EIF3H: variants seen among roughly 807,000 people sequenced by gnomAD.
The protein encoded by EIF3H is eIF-3-gamma.
Under a neutral mutation model 44.2 loss-of-function variants are expected in EIF3H, and 26 were observed. The ratio of observed to expected loss-of-function variants is 0.59; its 90% confidence interval spans 0.43 to 0.82. The LOEUF (loss-of-function observed/expected upper bound fraction) is 0.82, where lower values mean the gene tolerates loss of function less well. Among genes scored for constraint, EIF3H ranks in the 40% least tolerant of loss-of-function variants. EIF3H has a pLI of 0.00. For missense variants in EIF3H, 359 were observed against 432.8 expected (o/e 0.83, Z 1.51); for synonymous variants, 166 against 151.9 (o/e 1.09, Z -0.68).
At chr8:116,727,291 A>G (rs899776820) in intron 1 of EIF3H, among the ~76,000 whole-genome samples, 4 of 152,212 alleles carry the variant, frequency 2.6e-5, no homozygotes, top group African/African-American at 7.2e-5. Flanking sequence ...AAAAAAAGGC[A>G]GCAGGAAAGG....
intron 1 of EIF3H, among the ~76,000 whole-genome samples, chr8:116,738,160 G>A (rs1227566885): frequency 6.6e-6 from 1 of 151,640 alleles, no homozygotes; most frequent in East Asian, 1.9e-4. Flanking sequence ...AAAAAACTAA[G>A]GAAAAAGATT....
upstream of EIF3H, chr8:116,755,867 T>A: frequency 6.3e-7 from 1 of 1,593,722 alleles, no homozygotes; most frequent in Non-Finnish European, 8.5e-7. Context: ...TCGCGTGACG[T>A]CACTCGCAGG....
chr8:116,678,642 G>A (rs1376185597), intron 2 of EIF3H, among the ~76,000 whole-genome samples: 59 of 145,736 alleles, frequency 4.0e-4, no homozygotes, highest in African/African-American at 1.4e-3. Flanking sequence ...CCTCTGCCCC[G>A]CCGCCCTGTC....
chr8:116,659,513 G>C (rs1813549052), intron 2 of EIF3H, among the ~76,000 whole-genome samples: 1 of 152,122 alleles, frequency 6.6e-6, no homozygotes, highest in Non-Finnish European at 1.5e-5. Context: ...CAAAATGTAA[G>C]AGTACATTTT....
At chr8:116,662,215 TTCTC>T (rs1813596092) in intron 2 of EIF3H, among the ~76,000 whole-genome samples, 2 of 152,168 alleles carry the variant, frequency 1.3e-5, no homozygotes, top group African/African-American at 4.8e-5. Context: ...GTGAAGGAGA[TTCTC>T]TATCTTGGTT....
At chr8:116,743,417 C>A (rs1173591708) in intron 1 of EIF3H, among the ~76,000 whole-genome samples, 2 of 152,118 alleles carry the variant, frequency 1.3e-5, no homozygotes, top group African/African-American at 2.4e-5. Context: ...CACCACTACA[C>A]TCCAGCCTGG....
chr8:116,763,572 C>T (rs1815540442), intron 1 of EIF3H, among the ~76,000 whole-genome samples: 1 of 152,120 alleles, frequency 6.6e-6, no homozygotes, highest in Non-Finnish European at 1.5e-5. Context: ...CATGATGGAG[C>T]CTATCCTAGG....
intron 2 of EIF3H, among the ~76,000 whole-genome samples, chr8:116,666,994 C>T (rs961742381): frequency 3.9e-5 from 6 of 152,098 alleles, no homozygotes; most frequent in African/African-American, 1.4e-4. Flanking sequence ...CACGCTCTGC[C>T]CCATTCACAA....
chr8:116,648,727 T>A (rs1813344229), intron 6 of EIF3H, 79 bp downstream of exon 6: 1 of 1,455,112 alleles, frequency 6.9e-7, no homozygotes, highest in South Asian at 1.6e-5. Context: ...CAAAGATAAT[T>A]TAGGTCATTT....
At chr8:116,715,396 C>A (rs1814645962) in intron 2 of EIF3H, among the ~76,000 whole-genome samples, 1 of 151,904 alleles carries the variant, frequency 6.6e-6, no homozygotes, top group African/African-American at 2.4e-5. Flanking sequence ...TGTGAACTAT[C>A]ACTTTAATAA....
chr8:116,675,190 T>G (rs557328933), intron 2 of EIF3H, among the ~76,000 whole-genome samples: 4 of 152,376 alleles, frequency 2.6e-5, no homozygotes, highest in African/African-American at 9.6e-5. Context: ...CAAAGATTCT[T>G]GGAACTAGGA....
intron 1 of EIF3H, among the ~76,000 whole-genome samples, chr8:116,731,230 T>C (rs1370702833): frequency 2.0e-5 from 3 of 152,208 alleles, no homozygotes; most frequent in Admixed American, 6.5e-5. Context: ...TTTTTTTAGA[T>C]AAATGAAGAG....
chr8:116,719,294 A>C (rs1249027153), intron 2 of EIF3H, among the ~76,000 whole-genome samples: 3 of 152,184 alleles, frequency 2.0e-5, no homozygotes, highest in African/African-American at 7.2e-5. Context: ...TCAGAGCTAC[A>C]GTTAGAATGG....
intron 2 of EIF3H, among the ~76,000 whole-genome samples, chr8:116,699,808 TTTTG>T (rs1554600388): frequency 3.5e-4 from 53 of 152,146 alleles, no homozygotes; most frequent in Middle Eastern, 3.4e-3. Flanking sequence ...TTTTGGTTTT[TTTTG>T]TTTGTTTGTT....
At chr8:116,677,313 CAAAT>C (rs142061269) in intron 2 of EIF3H, among the ~76,000 whole-genome samples, 4,325 of 152,160 alleles carry the variant, frequency 0.028, 197 homozygotes, top group African/African-American at 0.1. Context: ...ACTTTGCAAT[CAAAT>C]ACATTTTCAA....
intron 2 of EIF3H, among the ~76,000 whole-genome samples, chr8:116,703,514 T>A (rs1261791568): frequency 3.3e-5 from 5 of 152,242 alleles, no homozygotes; most frequent in Admixed American, 3.3e-4. Flanking sequence ...CATGTTCCAC[T>A]CTGTACACCT....
At chr8:116,661,518 C>A (rs1417722892) in intron 2 of EIF3H, among the ~76,000 whole-genome samples, 1 of 152,140 alleles carries the variant, frequency 6.6e-6, no homozygotes, top group Non-Finnish European at 1.5e-5. Context: ...TTTAATTTTC[C>A]CATCTCCAAA....
intron 1 of EIF3H, among the ~76,000 whole-genome samples, chr8:116,743,807 C>T (rs1384369489): frequency 0.033 from 2,425 of 72,570 alleles, 91 homozygotes; most frequent in African/African-American, 0.15. Context: ...TAAACACACA[C>T]ACACACACAC....
At chr8:116,762,803 G>A (rs1815531659) in intron 1 of EIF3H, among the ~76,000 whole-genome samples, 1 of 152,232 alleles carries the variant, frequency 6.6e-6, no homozygotes. Flanking sequence ...AATTAGCCGG[G>A]CATGGTGGCC....
Sources: gnomAD v4.1 joint callset for allele counts (sites outside exome capture counted in the v4.1 genomes callset) on GRCh38, gnomAD v4.1.1 for gene constraint, MANE v1.5 for transcripts, NCBI Gene and HGNC (gene_info 2026-07-23, HGNC 2026-07-21) for gene names.